The following PRELID2 variants were observed in gnomAD, a reference collection of about 807,000 sequenced individuals.
PRELID2 encodes the protein PRELI domain containing 2.
In PRELID2, 25 loss-of-function variants were observed where a neutral mutation model predicts 28.4. The ratio of observed to expected loss-of-function variants is 0.88; its 90% CI spans 0.64 to 1.23. The LOEUF is 1.23. Among genes scored for constraint, PRELID2 ranks in the 50% most tolerant of loss-of-function variants. PRELID2 has a pLI of 0.00. For missense variants in PRELID2, 201 were observed against 214.4 expected (o/e 0.94, Z 0.39); for synonymous variants, 76 against 71.6 (o/e 1.06, Z -0.31).
chr5:145,290,032 A>C, the PRELID2 span, among the ~76,000 whole-genome samples: 1 of 152,174 alleles, frequency 6.6e-6, no homozygotes. Flanking sequence ...GAGAAATGCA[A>C]ATCAAAACCA....
chr5:145,526,338 T>A (rs552542450), intron 1 of PRELID2, among the ~76,000 whole-genome samples: 1 of 152,094 alleles, frequency 6.6e-6, no homozygotes, highest in Admixed American at 6.5e-5. Context: ...GAGAGCATAA[T>A]GAAGGGACAC....
At chr5:145,252,345 C>T in the PRELID2 span, among the ~76,000 whole-genome samples, 1 of 152,212 alleles carries the variant, frequency 6.6e-6, no homozygotes, top group African/African-American at 2.4e-5. Context: ...CAGGTAATGC[C>T]TTCCCATATC....
chr5:145,291,335 C>CACAAAAAAAAAAAAAAAAAAAAAA, the PRELID2 span, among the ~76,000 whole-genome samples: 4 of 57,474 alleles, frequency 7.0e-5, no homozygotes, highest in African/African-American at 4.3e-4. Context: ...GACTCTGTTT[C>CACAAAAAAAAAAAAAAAAAAAAAA]AGAAAAAAAA....
chr5:145,767,081 G>A (rs1037717818), intron 5 of PRELID2, among the ~76,000 whole-genome samples: 4 of 152,018 alleles, frequency 2.6e-5, no homozygotes, highest in Non-Finnish European at 2.9e-5. Context: ...ATACATTCCC[G>A]TTTTCCCATA....
At chr5:145,368,527 T>C in the PRELID2 span, among the ~76,000 whole-genome samples, 1 of 151,898 alleles carries the variant, frequency 6.6e-6, no homozygotes, top group Non-Finnish European at 1.5e-5. Context: ...ATCCTGAACT[T>C]TCTCCTCTCC....
At chr5:145,281,676 C>A in the PRELID2 span, among the ~76,000 whole-genome samples, 2 of 152,182 alleles carry the variant, frequency 1.3e-5, no homozygotes, top group Non-Finnish European at 2.9e-5. Flanking sequence ...TCTGCTCTCA[C>A]AAGTAGAAAG....
chr5:145,543,664 G>A (rs1297785519), intron 1 of PRELID2, among the ~76,000 whole-genome samples: 1 of 152,034 alleles, frequency 6.6e-6, no homozygotes, highest in Non-Finnish European at 1.5e-5. Flanking sequence ...GCTTCATGTG[G>A]CATTTGTGGG....
chr5:145,373,877 T>C, the PRELID2 span, among the ~76,000 whole-genome samples: 6 of 86,192 alleles, frequency 7.0e-5, no homozygotes, highest in Non-Finnish European at 1.3e-4. Flanking sequence ...ACATATATAA[T>C]ATATATGATA....
At chr5:145,411,238 G>A in the PRELID2 span, among the ~76,000 whole-genome samples, 1 of 152,130 alleles carries the variant, frequency 6.6e-6, no homozygotes, top group Non-Finnish European at 1.5e-5. Flanking sequence ...ATGACAGCAG[G>A]CAAAGAGAGA....
chr5:145,487,490 A>G (rs1219871274), intron 1 of PRELID2, among the ~76,000 whole-genome samples: 1 of 152,152 alleles, frequency 6.6e-6, no homozygotes, highest in African/African-American at 2.4e-5. Flanking sequence ...TAAAATCAGC[A>G]TAGAATGTCA....
chr5:145,790,371 T>C lies in PRELID2; in HGVS notation c.474+6071A>G, dbSNP rs137878190. Reference sequence around the variant, plus strand: ...ACATGGATAAACCTGGAGAACATTATGTTAAGTGAAATAAGGCACAGAAGG... The same window carrying C: ...ACATGGATAAACCTGGAGAACATTACGTTAAGTGAAATAAGGCACAGAAGG... On this transcript the variant is annotated intron_variant, in intron 5 of 6. Transcript: ENST00000683046. Among the ~76,000 whole-genome samples, 297 of 152,250 alleles carry C rather than the reference T, an allele frequency of 2.0e-3. 1 individual carries two copies. Among genetic ancestry groups the C allele is most frequent in the African/African-American group, 6.1e-3 (255 of 41,560 alleles).
At chr5:145,448,048 C>T in the PRELID2 span, among the ~76,000 whole-genome samples, 2 of 152,214 alleles carry the variant, frequency 1.3e-5, no homozygotes, top group African/African-American at 4.8e-5. Context: ...AATCACCACA[C>T]TGACTTCCAC....
Position 145,757,817 on chromosome 5 carries a change from A to G in PRELID2, c.*2719T>C, listed in dbSNP as rs1581145633. ...ACCCTATCTCAAAAAAAAGTAAATG[A>G]AAAAAAAAAAAAAAAAGACCATAAA... is the stretch of plus-strand genomic sequence containing the variant. On this transcript the variant is annotated 3_prime_UTR_variant, in exon 7 of 7. Transcript: ENST00000683046. 1.6e-5 allele frequency among the ~76,000 whole-genome samples: 2 copies of G among 127,620 alleles called. No homozygotes were observed. The highest frequency in any genetic ancestry group is 8.1e-5 in the Admixed American group (1 of 12,336). The allele number at this position is 127,620 out of a possible 152,430, so 83.7% of individuals were successfully genotyped here.
intron 1 of PRELID2, among the ~76,000 whole-genome samples, chr5:145,713,185 T>C (rs1755741679): frequency 6.6e-6 from 1 of 151,288 alleles, no homozygotes; most frequent in Non-Finnish European, 1.5e-5. Flanking sequence ...CCAAAAAGCT[T>C]ACCTAACCCT....
chr5:145,658,001 A>G (rs985796408), intron 1 of PRELID2, among the ~76,000 whole-genome samples: 1 of 152,174 alleles, frequency 6.6e-6, no homozygotes, highest in Non-Finnish European at 1.5e-5. Context: ...TAGATGTCAT[A>G]TAACTTACCA....
chr5:145,543,855 A>G, intron 1 of PRELID2, among the ~76,000 whole-genome samples: 1 of 152,106 alleles, frequency 6.6e-6, no homozygotes, highest in East Asian at 1.9e-4. Context: ...CAAACAGTTC[A>G]TAAAGCTTGT....
intron 1 of PRELID2, among the ~76,000 whole-genome samples, chr5:145,600,650 A>C (rs1378729429): frequency 6.6e-6 from 1 of 151,998 alleles, no homozygotes; most frequent in Non-Finnish European, 1.5e-5. Flanking sequence ...CTCGATTTAG[A>C]CTTCAAGTTT....
At chr5:145,297,352 A>C in the PRELID2 span, among the ~76,000 whole-genome samples, 1 of 152,102 alleles carries the variant, frequency 6.6e-6, no homozygotes, top group Admixed American at 6.6e-5. Flanking sequence ...TATAAACAGA[A>C]CCAAAGACAA....
chr5:145,306,066 T>A, the PRELID2 span, among the ~76,000 whole-genome samples: 3 of 152,186 alleles, frequency 2.0e-5, no homozygotes, highest in African/African-American at 7.2e-5. Flanking sequence ...CTTTATGAAG[T>A]ACTGAGTCTC....
Sources: allele counts gnomAD v4.1 joint callset (sites outside exome capture counted in the v4.1 genomes callset), GRCh38; gene constraint gnomAD v4.1.1; transcripts MANE v1.5; gene names NCBI Gene and HGNC (gene_info 2026-07-23, HGNC 2026-07-21).